RUNDC3B: variants seen among roughly 807,000 people sequenced by gnomAD.
RUNDC3B encodes RUN domain-containing protein 3B.
In RUNDC3B, 33 loss-of-function variants were observed where a neutral mutation model predicts 58.4. The observed-to-expected ratio is 0.56, with a 90% CI of 0.43 to 0.75. The LOEUF (loss-of-function observed/expected upper bound fraction) is 0.75, where lower values mean the gene tolerates loss of function less well. Ranked by LOEUF, RUNDC3B falls within the 30% of genes least tolerant of loss-of-function variation. RUNDC3B has a pLI of 0.00. For missense variants in RUNDC3B, 501 were observed against 535.7 expected (o/e 0.94, Z 0.64); for synonymous variants, 193 against 195.2 (o/e 0.99, Z 0.10).
chr7:87,740,369 G>A (rs73706914), intron 5 of RUNDC3B, among the ~76,000 whole-genome samples: 15,991 of 151,368 alleles, frequency 0.11, 1,053 homozygotes, highest in African/African-American at 0.19. Flanking sequence ...TACTTTTATT[G>A]TCAACAAGAT....
intron 4 of RUNDC3B, among the ~76,000 whole-genome samples, chr7:87,719,999 A>C (rs1292178869): frequency 1.3e-5 from 2 of 148,830 alleles, no homozygotes; most frequent in Admixed American, 6.7e-5. Flanking sequence ...CCAAAAAAAA[A>C]AAAAAAAGAG....
intron 10 of RUNDC3B, among the ~76,000 whole-genome samples, chr7:87,825,553 C>T (rs991006054): frequency 1.3e-5 from 2 of 152,198 alleles, no homozygotes; most frequent in African/African-American, 4.8e-5. Context: ...ACACAGAGTC[C>T]CTACTGGGGC....
chr7:87,777,161 T>C (rs1834681929), intron 7 of RUNDC3B, among the ~76,000 whole-genome samples: 1 of 152,222 alleles, frequency 6.6e-6, no homozygotes, highest in Admixed American at 6.5e-5. Context: ...ACGTGTTTAC[T>C]AATAATAATA....
chr7:87,772,717 A>G (rs566321125), intron 7 of RUNDC3B, among the ~76,000 whole-genome samples: 4 of 152,340 alleles, frequency 2.6e-5, no homozygotes, highest in African/African-American at 9.6e-5. Flanking sequence ...GAAAAAATAA[A>G]GATAGTGAAA....
chr7:87,730,067 A>G (rs539246158), intron 4 of RUNDC3B, among the ~76,000 whole-genome samples: 40 of 152,218 alleles, frequency 2.6e-4, no homozygotes, highest in African/African-American at 9.2e-4. Context: ...GCCTTCAATA[A>G]ACATCAGTGG....
intron 10 of RUNDC3B, among the ~76,000 whole-genome samples, chr7:87,822,276 C>T (rs1044921490): frequency 1.3e-5 from 2 of 152,152 alleles, no homozygotes; most frequent in South Asian, 2.1e-4. Flanking sequence ...AGCCAAAAAA[C>T]ACATGAAAAA....
chr7:87,682,575 G>A (rs572025026), intron 2 of RUNDC3B, among the ~76,000 whole-genome samples: 3 of 152,248 alleles, frequency 2.0e-5, no homozygotes, highest in South Asian at 4.1e-4. Flanking sequence ...ATAGTTCTTG[G>A]GTGACTAGGT....
At chr7:87,629,586 C>A (rs1190995200) in intron 1 of RUNDC3B, among the ~76,000 whole-genome samples, 1 of 152,082 alleles carries the variant, frequency 6.6e-6, no homozygotes, top group Non-Finnish European at 1.5e-5. Context: ...TGCTTTATAA[C>A]TGTAAATGTA....
intron 4 of RUNDC3B, among the ~76,000 whole-genome samples, chr7:87,724,996 C>A (rs543728562): frequency 7.2e-5 from 11 of 151,968 alleles, no homozygotes; most frequent in Non-Finnish European, 1.3e-4. Flanking sequence ...CAATAAAAAA[C>A]AAAGGCTTAT....
At chr7:87,821,601 G>C (rs2130962553) in intron 10 of RUNDC3B, among the ~76,000 whole-genome samples, 1 of 152,258 alleles carries the variant, frequency 6.6e-6, no homozygotes, top group African/African-American at 2.4e-5. Context: ...TAAGCCAAAA[G>C]AACAAAGCCA....
At chr7:87,704,626 C>T (rs1829428934) in intron 3 of RUNDC3B, among the ~76,000 whole-genome samples, 1 of 152,192 alleles carries the variant, frequency 6.6e-6, no homozygotes, top group South Asian at 2.1e-4. Flanking sequence ...AATATTTATT[C>T]TGTGAAGTAC....
chr7:87,640,950 T>C (rs1190160577), intron 1 of RUNDC3B, among the ~76,000 whole-genome samples: 1 of 152,206 alleles, frequency 6.6e-6, no homozygotes, highest in Non-Finnish European at 1.5e-5. Flanking sequence ...TCTCATCTCT[T>C]GAATGTATTA....
At chr7:87,638,587 A>G (rs1388439274) in intron 1 of RUNDC3B, among the ~76,000 whole-genome samples, 1 of 151,748 alleles carries the variant, frequency 6.6e-6, no homozygotes, top group South Asian at 2.1e-4. Flanking sequence ...TTCAAGGAAC[A>G]TACCTATTTC....
intron 4 of RUNDC3B, among the ~76,000 whole-genome samples, chr7:87,723,660 T>C (rs1368105279): frequency 6.6e-6 from 1 of 152,178 alleles, no homozygotes; most frequent in African/African-American, 2.4e-5. Context: ...GTTTAAATAA[T>C]GTAATTCACC....
intron 2 of RUNDC3B, among the ~76,000 whole-genome samples, chr7:87,683,294 A>G (rs1167731386): frequency 6.6e-6 from 1 of 152,046 alleles, no homozygotes; most frequent in African/African-American, 2.4e-5. Context: ...CACTTCCTTC[A>G]TGTGTTCACT....
chr7:87,646,690 T>C (rs1823034860), intron 1 of RUNDC3B, among the ~76,000 whole-genome samples: 1 of 152,176 alleles, frequency 6.6e-6, no homozygotes, highest in East Asian at 1.9e-4. Flanking sequence ...ACATTTCTCA[T>C]TTCCTTTTCC....
chr7:87,699,928 T>C (rs1328445092), intron 2 of RUNDC3B, among the ~76,000 whole-genome samples: 2 of 152,310 alleles, frequency 1.3e-5, no homozygotes, highest in Non-Finnish European at 2.9e-5. Flanking sequence ...TATTTATTTA[T>C]AAAGTAAACA....
intron 10 of RUNDC3B, among the ~76,000 whole-genome samples, chr7:87,824,476 C>T (rs1837686975): frequency 1.3e-5 from 2 of 152,048 alleles, no homozygotes; most frequent in African/African-American, 4.8e-5. Context: ...CTTTTTTTCA[C>T]AAATTGCCTA....
chr7:87,660,424 C>T (rs1029730896), intron 2 of RUNDC3B, among the ~76,000 whole-genome samples: 4 of 152,028 alleles, frequency 2.6e-5, no homozygotes, highest in African/African-American at 9.7e-5. Flanking sequence ...TAATGTGACA[C>T]TTAAAGTAGA....
Sources: gnomAD v4.1 joint callset for allele counts (sites outside exome capture counted in the v4.1 genomes callset) on GRCh38, gnomAD v4.1.1 for gene constraint, MANE v1.5 for transcripts, NCBI Gene and HGNC (gene_info 2026-07-23, HGNC 2026-07-21) for gene names.